EML6: variants seen among roughly 807,000 people sequenced by gnomAD.
The protein encoded by EML6 is echinoderm microtubule-associated protein-like 6.
A neutral mutation model predicts 240.1 loss-of-function variants in EML6; 154 were observed. The ratio of observed to expected loss-of-function variants is 0.64; its 90% CI spans 0.56 to 0.73. The LOEUF is 0.73. Among genes scored for constraint, EML6 ranks in the 30% least tolerant of loss-of-function variants. The pLI is 0.00. For missense variants in EML6, 2,964 were observed against 2,474.6 expected, an observed-to-expected ratio of 1.20 and a Z score of -4.20; for synonymous variants, 1,148 against 899.0, an observed-to-expected ratio of 1.28 and a Z score of -4.95.
At chr2:54,909,611 C>T (rs113705398) in intron 24 of EML6, among the ~76,000 whole-genome samples, 5 of 151,820 alleles carry the variant, frequency 3.3e-5, no homozygotes, top group African/African-American at 7.3e-5. Context: ...TTTGGGAGGC[C>T]GAGGTGGGCA....
At chr2:54,729,751 G>C (rs1419575406) in intron 2 of EML6, among the ~76,000 whole-genome samples, 2 of 152,314 alleles carry the variant, frequency 1.3e-5, no homozygotes. Context: ...TTTGTAACTT[G>C]CTTATCCTCT....
chr2:54,784,961 G>T lies in EML6; in HGVS notation c.198-28271G>T, dbSNP rs73936465. ...GACATAGCAGGCAACTGCAGCTGCAGACCTCAGTCTATGGCAAATCTCAAG... is the reference window on the plus strand; with the variant it reads ...GACATAGCAGGCAACTGCAGCTGCATACCTCAGTCTATGGCAAATCTCAAG... On this transcript the variant is annotated intron_variant, in intron 2 of 41. Transcript: ENST00000356458. Among the ~76,000 whole-genome samples, 677 of 152,296 alleles carry T rather than the reference G, an allele frequency of 4.4e-3. 4 individuals carry two copies. The highest frequency in any genetic ancestry group is 0.016 in the African/African-American group (660 of 41,562).
intron 16 of EML6, among the ~76,000 whole-genome samples, chr2:54,879,174 G>A (rs924027707): frequency 6.6e-6 from 1 of 152,176 alleles, no homozygotes; most frequent in Non-Finnish European, 1.5e-5. Flanking sequence ...TCACAAAATA[G>A]ACATAGTTTT....
intron 2 of EML6, among the ~76,000 whole-genome samples, chr2:54,806,936 C>G (rs1028692842): frequency 6.6e-6 from 1 of 152,038 alleles, no homozygotes; most frequent in Admixed American, 6.6e-5. Flanking sequence ...TTCAGTGATG[C>G]ACTTGTCACG....
chr2:54,910,844 T>C (rs1673601443), intron 24 of EML6, 110 bp from the exon 25 acceptor site: 1 of 586,392 alleles, frequency 1.7e-6, no homozygotes, highest in Non-Finnish European at 3.1e-6. Flanking sequence ...TTTACTCAAT[T>C]TGTGAGACTT....
chr2:54,788,356 C>T (rs1351180559), intron 2 of EML6, among the ~76,000 whole-genome samples: 1 of 152,342 alleles, frequency 6.6e-6, no homozygotes, highest in East Asian at 1.9e-4. Context: ...TAACTCCCTT[C>T]CTGGTCAGGG....
At chr2:54,762,188 A>G (rs946233877) in intron 2 of EML6, among the ~76,000 whole-genome samples, 11 of 152,178 alleles carry the variant, frequency 7.2e-5, no homozygotes, top group East Asian at 2.0e-4. Flanking sequence ...TTGACATTTT[A>G]GAAGAACACA....
chr2:54,874,047 T>C (rs1412289084), intron 16 of EML6, among the ~76,000 whole-genome samples: 1 of 152,284 alleles, frequency 6.6e-6, no homozygotes, highest in Non-Finnish European at 1.5e-5. Context: ...TTTAATCATT[T>C]GGTTATTTCC....
chr2:54,844,217 G>A lies in EML6; in HGVS notation c.1018G>A (p.Ala340Thr). 6.4e-7 allele frequency: 1 copy of A among 1,551,686 alleles called. No individual in the cohort carries two copies. Among genetic ancestry groups the A allele is most frequent in the African/African-American group, 1.4e-5 (1 of 73,164 alleles). The change falls in exon 8 of 42, where the codon GCT becomes ACT. Residue 340 changes from alanine to threonine, a missense_variant. Ala to Thr is a moderately conservative substitution (Grantham distance 58). Transcript: ENST00000356458. Reference sequence around the variant, plus strand: ...GGCCCTGCACCCCAAGAAGCCTCTGGCTGTGACAGGCAGCGATGACCGCTC... The same window carrying A: ...GGCCCTGCACCCCAAGAAGCCTCTGACTGTGACAGGCAGCGATGACCGCTC... The part of the protein sequence containing the change: ...ALALHPKKPL[A>T]VTGSDDRSVR...
At chr2:54,873,085 C>T (rs1671338375) in intron 16 of EML6, among the ~76,000 whole-genome samples, 1 of 152,200 alleles carries the variant, frequency 6.6e-6, no homozygotes. Context: ...AAATGAGGTT[C>T]TGCTTAATGC....
intron 15 of EML6, 104 bp downstream of exon 15, chr2:54,869,471 G>A (rs998020507): frequency 1.2e-6 from 1 of 856,680 alleles, no homozygotes; most frequent in African/African-American, 1.7e-5. Flanking sequence ...AAATAAACAT[G>A]AGATGGGAAG....
intron 17 of EML6, among the ~76,000 whole-genome samples, chr2:54,883,647 A>C: frequency 6.6e-6 from 1 of 152,170 alleles, no homozygotes; most frequent in East Asian, 1.9e-4. Flanking sequence ...ACAGCAGCAC[A>C]GTGTGTAAGT....
At chr2:54,938,056 T>TA (rs1675240879) in intron 28 of EML6, among the ~76,000 whole-genome samples, 1 of 152,148 alleles carries the variant, frequency 6.6e-6, no homozygotes, top group African/African-American at 2.4e-5. Flanking sequence ...TGTATAAAAG[T>TA]TAGGTGGGGC....
Position 54,859,521 on chromosome 2 carries a change from A to T in EML6, c.1658-13A>T. On this transcript the variant is annotated splice_polypyrimidine_tract_variant and intron_variant, in intron 11 of 41. Transcript: ENST00000356458. ...TTTTTCATAACTAATCCTCTCAAAA[A>T]ATATTCTTTCAGGAGCCAAATTTAG... is the stretch of plus-strand genomic sequence containing the variant. The T allele has an allele frequency of 1.3e-6, 2 of 1,547,410 alleles. No individual in the cohort carries two copies. The highest frequency in any genetic ancestry group is 1.7e-6 in the Non-Finnish European group (2 of 1,145,058).
intron 28 of EML6, among the ~76,000 whole-genome samples, chr2:54,936,467 A>G (rs1025576594): frequency 6.6e-6 from 1 of 152,234 alleles, no homozygotes; most frequent in Non-Finnish European, 1.5e-5. Flanking sequence ...TATTTGCTAT[A>G]TACAGTTGGA....
At chr2:54,825,578 C>T (rs1371722252) in intron 5 of EML6, among the ~76,000 whole-genome samples, 4 of 152,148 alleles carry the variant, frequency 2.6e-5, no homozygotes, top group African/African-American at 9.7e-5. Flanking sequence ...ATTATTTCAA[C>T]ATATACTTCA....
At chr2:54,748,384 G>A (rs1684012782) in intron 2 of EML6, 1 of 152,058 alleles carries the variant, frequency 6.6e-6, no homozygotes, top group Admixed American at 6.6e-5. Flanking sequence ...TATGGAATCT[G>A]GTTTTGGTTT....
intron 2 of EML6, among the ~76,000 whole-genome samples, chr2:54,747,612 T>C (rs1037847379): frequency 6.6e-6 from 1 of 152,234 alleles, no homozygotes; most frequent in Admixed American, 6.5e-5. Flanking sequence ...TGAACTTAAT[T>C]CTTGCTTAAG....
rs564471512 is a variant in EML6, at chr2:54,966,826, C to T, written c.5494-174C>T. On this transcript the variant is annotated intron_variant, in intron 38 of 41. Coordinates refer to ENST00000356458, the MANE Select transcript of EML6 (RefSeq NM_001039753.4). ...ATGAGAAGAAAGATGGGAAAATGGC[C>T]TGCTGTTGTTGTCATGGGCTGGCCA... 31 of 458,070 alleles carry T rather than the reference C, an allele frequency of 6.8e-5. No individual in the cohort carries two copies. The South Asian group carries it at 1.1e-3, about 16-fold the overall frequency. 28.4% of individuals were successfully genotyped at this position (458,070 alleles called of 1,614,324 possible). A position where few individuals can be genotyped will look rare whatever the true frequency, so the allele number is the denominator to read the frequency against.
Sources: gnomAD v4.1 joint callset for allele counts (sites outside exome capture counted in the v4.1 genomes callset) on GRCh38, gnomAD v4.1.1 for gene constraint, MANE v1.5 for transcripts, NCBI Gene and HGNC (gene_info 2026-07-23, HGNC 2026-07-21) for gene names.